PEAK1: variants seen among roughly 807,000 people sequenced by gnomAD.
PEAK1 encodes the protein inactive tyrosine-protein kinase PEAK1.
PEAK1 carries 54 observed loss-of-function variants against 124.7 expected under a neutral mutation model. That is an observed-to-expected ratio of 0.43 (90% CI 0.35 to 0.54). The LOEUF (loss-of-function observed/expected upper bound fraction) is 0.54. Ranked by LOEUF, PEAK1 falls within the 20% of genes least tolerant of loss-of-function variation. The pLI, the probability that PEAK1 is intolerant of heterozygous loss-of-function variation, is 0.01. For synonymous variants in PEAK1, 719 were observed against 760.0 expected, an observed-to-expected ratio of 0.95 and a Z score of 0.89; for missense variants, 2,046 against 2,134.5, an observed-to-expected ratio of 0.96 and a Z score of 0.82.
At position 77,109,379 on chromosome 15, in the gene PEAK1, T is replaced by C. The variant is rs1364205028; in HGVS notation, c.*4777A>G. The C allele has an allele frequency of 6.6e-6, 1 of 152,214 alleles. No individual in the cohort carries two copies. The highest frequency in any genetic ancestry group is 1.5e-5 in the Non-Finnish European group (1 of 68,042). The allele number at this position is 152,214 out of a possible 1,614,324, so 9.4% of individuals were successfully genotyped here. A position where few individuals can be genotyped will look rare whatever the true frequency, so the allele number is the denominator to read the frequency against. On this transcript the variant is annotated 3_prime_UTR_variant, in exon 10 of 10. Coordinates refer to ENST00000682557, the MANE Select transcript of PEAK1 (RefSeq NM_001385026.1). Reference sequence around the variant, plus strand: ...ACTTCTTTTTAAAAAGGTGCTTTTCTGAGGATGGATTTATCAGCTAAATGC... The same window carrying C: ...ACTTCTTTTTAAAAAGGTGCTTTTCCGAGGATGGATTTATCAGCTAAATGC...
chr15:77,193,297 T>A (rs1243460106), intron 6 of PEAK1, among the ~76,000 whole-genome samples: 1 of 152,236 alleles, frequency 6.6e-6, no homozygotes, highest in East Asian at 1.9e-4. Flanking sequence ...GTTTCATTTA[T>A]AGACTCATTT....
At chr15:77,175,647 T>G (rs1344624439) in intron 7 of PEAK1, among the ~76,000 whole-genome samples, 1 of 152,210 alleles carries the variant, frequency 6.6e-6, no homozygotes, top group Non-Finnish European at 1.5e-5. Context: ...ACTTTTACAC[T>G]GTTGGTGGGA....
chr15:77,109,659 G>C lies in PEAK1; in HGVS notation c.*4497C>G, dbSNP rs574425186. On this transcript the variant is annotated 3_prime_UTR_variant, in exon 10 of 10. Transcript: ENST00000682557. ...CAAGAGCAGCACTTGGATTTGTCTC[G>C]GCACAGCACTTTGGGCCTTTGAGAA... The C allele has an allele frequency of 6.6e-6, 1 of 152,134 alleles. No individual in the cohort carries two copies. The highest frequency in any genetic ancestry group is 1.5e-5 in the Non-Finnish European group (1 of 68,034). The allele number at this position is 152,134 out of a possible 1,614,324, so 9.4% of individuals were successfully genotyped here.
At chr15:77,374,677 G>T (rs2068875442) in intron 1 of PEAK1, among the ~76,000 whole-genome samples, 1 of 151,964 alleles carries the variant, frequency 6.6e-6, no homozygotes, top group African/African-American at 2.4e-5. Context: ...AAATTTTCTG[G>T]TAGAAAAATT....
chr15:77,419,258 G>T (rs1048337479), intron 1 of PEAK1: 73 of 985,234 alleles, frequency 7.4e-5, no homozygotes, highest in Non-Finnish European at 8.1e-5. Context: ...AGCCAAAGGA[G>T]GAAAAAACGA....
At chr15:77,366,408 A>G (rs1224400524) in intron 1 of PEAK1, among the ~76,000 whole-genome samples, 4 of 152,214 alleles carry the variant, frequency 2.6e-5, no homozygotes, top group Non-Finnish European at 5.9e-5. Context: ...TGAGATTTTT[A>G]GGACTGTTTG....
At chr15:77,194,549 A>T (rs2058014267) in intron 6 of PEAK1, among the ~76,000 whole-genome samples, 1 of 152,138 alleles carries the variant, frequency 6.6e-6, no homozygotes, top group African/African-American at 2.4e-5. Context: ...GAAGTCTCAC[A>T]TCCTCCTCTT....
At chr15:77,308,343 T>C (rs1470607935) in intron 2 of PEAK1, among the ~76,000 whole-genome samples, 2 of 152,138 alleles carry the variant, frequency 1.3e-5, no homozygotes, top group East Asian at 1.9e-4. Context: ...TATTAGTCCA[T>C]GCCCATGTAG....
Position 77,133,448 on chromosome 15 carries a change from T to C in PEAK1, c.3634A>G (p.Ile1212Val), listed in dbSNP as rs368399480. 13 of 1,614,216 alleles carry C rather than the reference T, an allele frequency of 8.1e-6. No individual in the cohort carries two copies. In the African/African-American group the frequency reaches 1.5e-4, roughly 18 times the overall value. The change falls in exon 9 of 10, where the codon ATT becomes GTT. Residue 1212 changes from isoleucine (I) to valine (V), a missense_variant. Coordinates refer to ENST00000682557, the MANE Select transcript of PEAK1 (RefSeq NM_001385026.1). This position sits in a 1 kb window ranked among gnomAD's most constrained non-coding sequence, Gnocchi z 4.2. ...SISYELKGLD[I>V]ESYDSLERPL... ...CTTTCCAAGGAGTCATAAGACTCAATGTCCAGTCCTTTGAGTTCATAGCTG... is the reference window on the plus strand; with the variant it reads ...CTTTCCAAGGAGTCATAAGACTCAACGTCCAGTCCTTTGAGTTCATAGCTG...
intron 8 of PEAK1, among the ~76,000 whole-genome samples, chr15:77,152,219 G>C (rs2054700876): frequency 6.6e-6 from 1 of 152,038 alleles, no homozygotes; most frequent in East Asian, 1.9e-4. Context: ...TTGTAAGTTG[G>C]ATTCCTAGGT....
At position 77,270,868 on chromosome 15, in the gene PEAK1, G is replaced by A. The variant is rs138581363; in HGVS notation, c.-275+13015C>T. ...ATTTCGTTGAGCAGGATGTAGGCATGGGCAAGGACTTCATGTCTAAAATAC... is the reference window on the plus strand; with the variant it reads ...ATTTCGTTGAGCAGGATGTAGGCATAGGCAAGGACTTCATGTCTAAAATAC... On this transcript the variant is annotated intron_variant, in intron 5 of 9. Coordinates refer to ENST00000682557, the MANE Select transcript of PEAK1 (RefSeq NM_001385026.1). Among the ~76,000 whole-genome samples the A allele has an allele frequency of 3.9e-5, 6 of 152,172 alleles. No individual in the cohort carries two copies. The East Asian group carries it at 9.7e-4, about 24-fold the overall frequency.
At chr15:77,227,913 T>G (rs2059746889) in intron 6 of PEAK1, among the ~76,000 whole-genome samples, 1 of 151,988 alleles carries the variant, frequency 6.6e-6, no homozygotes, top group Non-Finnish European at 1.5e-5. Context: ...AGAGAATCAC[T>G]TGAGCCCAGG....
chr15:77,408,028 C>CACATATAT (rs1017839095), intron 1 of PEAK1, among the ~76,000 whole-genome samples: 2 of 150,936 alleles, frequency 1.3e-5, no homozygotes, highest in African/African-American at 4.9e-5. Flanking sequence ...CATATATACA[C>CACATATAT]ACATATATAC....
intron 5 of PEAK1, among the ~76,000 whole-genome samples, chr15:77,272,666 A>T (rs2062098595): frequency 6.6e-6 from 1 of 152,186 alleles, no homozygotes; most frequent in Non-Finnish European, 1.5e-5. Context: ...TCACAGCTGA[A>T]TTCTATCAGA....
chr15:77,260,604 T>C (rs145276508), intron 5 of PEAK1, among the ~76,000 whole-genome samples: 2 of 152,130 alleles, frequency 1.3e-5, no homozygotes, highest in African/African-American at 4.8e-5. Context: ...ATAAAATATA[T>C]AGAGACAAAT....
At chr15:77,164,149 T>C (rs927982006) in intron 7 of PEAK1, among the ~76,000 whole-genome samples, 1 of 152,236 alleles carries the variant, frequency 6.6e-6, no homozygotes, top group Non-Finnish European at 1.5e-5. Context: ...TAATCTTTAG[T>C]TTCCAGGTCA....
chr15:77,397,938 G>A (rs752021657), intron 1 of PEAK1, among the ~76,000 whole-genome samples: 11 of 152,104 alleles, frequency 7.2e-5, no homozygotes, highest in Non-Finnish European at 1.5e-4. Flanking sequence ...GGTGGCGCAT[G>A]CCTGTAATCC....
intron 1 of PEAK1, chr15:77,418,695 ATGAAG>A: frequency 3.0e-6 from 3 of 985,482 alleles, no homozygotes; most frequent in Non-Finnish European, 3.6e-6. Flanking sequence ...AGAAGCCATC[ATGAAG>A]TGAGTATCCA....
intron 2 of PEAK1, among the ~76,000 whole-genome samples, chr15:77,362,020 A>C (rs2067920298): frequency 6.6e-6 from 1 of 152,174 alleles, no homozygotes; most frequent in Admixed American, 6.5e-5. Context: ...ACTCATTGGT[A>C]GTAGGGAGGG....
Sources: gnomAD v4.1 joint callset for allele counts (sites outside exome capture counted in the v4.1 genomes callset) on GRCh38, gnomAD v4.1.1 for gene constraint, Gnocchi (gnomAD v3.1) non-coding constraint, MANE v1.5 for transcripts, NCBI Gene and HGNC (gene_info 2026-07-23, HGNC 2026-07-21) for gene names.